The following NCKAP1L variants were observed in gnomAD, a reference collection of about 807,000 sequenced individuals.
NCKAP1L encodes the protein NCK associated protein 1 like.
Under a neutral mutation model 139.2 loss-of-function variants are expected in NCKAP1L, and 53 were observed. The observed-to-expected ratio is 0.38, with a 90% CI of 0.31 to 0.48. NCKAP1L has a LOEUF of 0.48. NCKAP1L is among the 20% of genes least tolerant of loss of function. NCKAP1L has a pLI of 0.98. For synonymous variants in NCKAP1L, 468 were observed against 499.7 expected, an observed-to-expected ratio of 0.94 and a Z score of 0.85; for missense variants, 1,151 against 1,381.9, an observed-to-expected ratio of 0.83 and a Z score of 2.65.
At position 54,516,975 on chromosome 12, in the gene NCKAP1L, G is replaced by C; in HGVS notation, c.1078G>C (p.Gly360Arg). The C allele has an allele frequency of 6.2e-7, 1 of 1,612,170 alleles. No homozygotes were observed. Residue 360 changes from glycine (G) to arginine (R), a missense_variant, in exon 11 of 31, where the codon GGA (glycine) becomes CGA (arginine). Coordinates refer to ENST00000293373, the MANE Select transcript of NCKAP1L (RefSeq NM_005337.5). ...GGAGACTGTGTTGGCTGATGAACCG[G>C]GACTACTGGGTCCTAAGGCAAGAGG... ...ELETVLADEP[G>R]LLGPKALFAF...
intron 5 of NCKAP1L, 37 bp downstream of exon 5, chr12:54,508,568 T>C (rs745849056): frequency 4.5e-5 from 73 of 1,604,840 alleles, no homozygotes; most frequent in Non-Finnish European, 6.1e-5. Flanking sequence ...AAGAGTCTCA[T>C]ACATGGTGCT....
intron 22 of NCKAP1L, among the ~76,000 whole-genome samples, chr12:54,529,289 C>T (rs867670684): frequency 9.9e-5 from 15 of 152,140 alleles, no homozygotes; most frequent in South Asian, 2.1e-4. Context: ...TTTTGTGTCT[C>T]AGGGGGAGAC....
intron 7 of NCKAP1L, chr12:54,510,455 C>A: frequency 3.0e-6 from 1 of 328,892 alleles, no homozygotes; most frequent in Non-Finnish European, 6.0e-6. Flanking sequence ...TCCCGAGTAG[C>A]TGGGACTACA....
At chr12:54,519,017 CT>C in intron 15 of NCKAP1L, 45 bp downstream of exon 15, 1 of 1,578,550 alleles carries the variant, frequency 6.3e-7, no homozygotes, top group Non-Finnish European at 8.7e-7. Flanking sequence ...CAGATTCTTC[CT>C]CCCCCACAAT....
At chr12:54,502,542 C>T (rs1332551060) in intron 3 of NCKAP1L, among the ~76,000 whole-genome samples, 1 of 152,058 alleles carries the variant, frequency 6.6e-6, no homozygotes, top group East Asian at 1.9e-4. Context: ...GAGTTAGCCT[C>T]ATACATCATG....
rs1956976160 is a variant in NCKAP1L, at chr12:54,520,799, C to T, written c.1731C>T (p.His577=). 6.2e-7 allele frequency: 1 copy of T among 1,614,022 alleles called. No individual in the cohort carries two copies. The highest frequency in any genetic ancestry group is 1.3e-5 in the African/African-American group (1 of 74,900). The change falls in exon 17 of 31, where the codon CAC becomes CAT. Residue 577 remains histidine (H), a synonymous_variant. Transcript: ENST00000293373. ...AFPLICAHFV[H]CTHEMCPEEY... ...CCCTGATTTGTGCTCACTTTGTCCA[C>T]TGCACTCATGAGATGTGCCCAGAGG... is the stretch of plus-strand genomic sequence containing the variant.
chr12:54,528,316 C>T lies in NCKAP1L; in HGVS notation c.2445C>T (p.Phe815=), dbSNP rs142923538. ...TIILSPAMQA[F]VSLPREGEQN... ...TCCTCTCCCCAGCCATGCAGGCCTT[C>T]GTCAGCCTGCCCAGAGAAGGGGAGC... The change falls in exon 22 of 31, where the codon TTC becomes TTT. Residue 815 remains phenylalanine (F), a synonymous_variant. Coordinates refer to ENST00000293373, the MANE Select transcript of NCKAP1L (RefSeq NM_005337.5). 2.0e-5 allele frequency: 33 copies of T among 1,613,894 alleles called. No individual in the cohort carries two copies. Among genetic ancestry groups the T allele is most frequent in the Admixed American group, 1.7e-4 (10 of 59,998 alleles).
chr12:54,498,503 A>G (rs548469034), intron 1 of NCKAP1L, among the ~76,000 whole-genome samples: 1 of 151,752 alleles, frequency 6.6e-6, no homozygotes, highest in South Asian at 2.1e-4. Flanking sequence ...GGCAAACCAT[A>G]GGAAGTAAAG....
intron 27 of NCKAP1L, among the ~76,000 whole-genome samples, chr12:54,535,587 T>C (rs140291765): frequency 6.6e-6 from 1 of 152,252 alleles, no homozygotes; most frequent in African/African-American, 2.4e-5. Flanking sequence ...AAACTCCCCA[T>C]AGTGATTTTG....
intron 18 of NCKAP1L, among the ~76,000 whole-genome samples, 197 bp from the exon 19 acceptor site, chr12:54,523,197 G>A (rs1474010832): frequency 6.6e-6 from 1 of 152,158 alleles, no homozygotes; most frequent in Non-Finnish European, 1.5e-5. Flanking sequence ...TACACACAGA[G>A]ATATTTATGA....
intron 18 of NCKAP1L, among the ~76,000 whole-genome samples, chr12:54,522,272 A>G (rs1956990088): frequency 6.6e-6 from 1 of 152,260 alleles, no homozygotes; most frequent in Admixed American, 6.5e-5. Flanking sequence ...TCATTACTCA[A>G]TATGCTTAAT....
chr12:54,524,048 T>C (rs1304511967), intron 20 of NCKAP1L, 92 bp downstream of exon 20: 5 of 1,342,002 alleles, frequency 3.7e-6, no homozygotes, highest in Non-Finnish European at 5.1e-6. Flanking sequence ...CAAAGTTGGG[T>C]CCCATTACAT....
intron 7 of NCKAP1L, among the ~76,000 whole-genome samples, chr12:54,511,420 A>C (rs1392548982): frequency 6.6e-6 from 1 of 152,188 alleles, no homozygotes; most frequent in African/African-American, 2.4e-5. Context: ...TTTTAAAAAA[A>C]TTTAGAGACA....
intron 18 of NCKAP1L, among the ~76,000 whole-genome samples, chr12:54,522,588 T>C (rs1956992781): frequency 6.6e-6 from 1 of 152,234 alleles, no homozygotes; most frequent in Non-Finnish European, 1.5e-5. Flanking sequence ...TTGACACATC[T>C]TTTTCCATCA....
At chr12:54,498,337 A>C (rs1394620300) in intron 1 of NCKAP1L, among the ~76,000 whole-genome samples, 1 of 151,806 alleles carries the variant, frequency 6.6e-6, no homozygotes, top group Non-Finnish European at 1.5e-5. Context: ...ATAATTAGGT[A>C]TTTAGATTAA....
intron 3 of NCKAP1L, among the ~76,000 whole-genome samples, chr12:54,502,343 T>C (rs1956804867): frequency 6.6e-6 from 1 of 152,190 alleles, no homozygotes; most frequent in Non-Finnish European, 1.5e-5. Flanking sequence ...TCAACCTGTA[T>C]AAACTATATA....
chr12:54,529,361 C>A (rs984053294), intron 22 of NCKAP1L, among the ~76,000 whole-genome samples: 1 of 152,130 alleles, frequency 6.6e-6, no homozygotes, highest in African/African-American at 2.4e-5. Context: ...GGGTTTGAAA[C>A]TACAAGATCC....
chr12:54,505,169 C>A (rs1956830288), intron 3 of NCKAP1L, among the ~76,000 whole-genome samples: 1 of 152,202 alleles, frequency 6.6e-6, no homozygotes, highest in African/African-American at 2.4e-5. Flanking sequence ...TCACCCGGCT[C>A]CCCGCCACAT....
chr12:54,510,401 G>T, intron 7 of NCKAP1L: 1 of 407,318 alleles, frequency 2.5e-6, no homozygotes, highest in Admixed American at 2.7e-5. Flanking sequence ...ACTGCTTACT[G>T]CAGCCTCCAC....
Sources: gnomAD v4.1 joint callset for allele counts (sites outside exome capture counted in the v4.1 genomes callset) on GRCh38, gnomAD v4.1.1 for gene constraint, MANE v1.5 for transcripts, NCBI Gene and HGNC (gene_info 2026-07-23, HGNC 2026-07-21) for gene names.